STATH: variants seen among roughly 807,000 people sequenced by gnomAD.
STATH encodes the protein statherin.
Under a neutral mutation model 13.3 loss-of-function variants are expected in STATH, and 11 were observed. The observed-to-expected ratio is 0.83, with a 90% CI of 0.52 to 1.37. The LOEUF is 1.37. Ranked by LOEUF, STATH falls within the 40% of genes most tolerant of loss-of-function variation. The pLI is 0.00. For synonymous variants in STATH, 25 were observed against 23.6 expected (o/e 1.06, Z -0.17); for missense variants, 78 against 73.3 (o/e 1.06, Z -0.24).
chr4:70,002,085 C>T (rs1724684394), intron 5 of STATH, 104 bp from the exon 6 acceptor site: 1 of 151,540 alleles, frequency 6.6e-6, no homozygotes, highest in Admixed American at 6.6e-5. Flanking sequence ...ATTTTATAAA[C>T]TATAATTGTA....
At chr4:69,999,910 T>A (rs1026293001) in intron 4 of STATH, 101 bp downstream of exon 4, 8 of 1,345,982 alleles carry the variant, frequency 5.9e-6, no homozygotes, top group African/African-American at 1.4e-5. Context: ...ATATGTGTAG[T>A]AGTTGCAAAA....
At position 70,000,989 on chromosome 4, in the gene STATH, T is replaced by G; in HGVS notation, c.*33+7T>G. On this transcript the variant is annotated splice_region_variant and intron_variant, in intron 5 of 5. Coordinates refer to ENST00000246895, the MANE Select transcript of STATH (RefSeq NM_003154.3). ...GCAGGACATGATTATTGAGGTAAGATGGGTTTAGTGACATTTTTTTTACTT... is the reference window on the plus strand; with the variant it reads ...GCAGGACATGATTATTGAGGTAAGAGGGGTTTAGTGACATTTTTTTTACTT... The G allele has an allele frequency of 6.4e-7, 1 of 1,562,434 alleles. No homozygotes were observed. The highest frequency in any genetic ancestry group is 8.8e-7 in the Non-Finnish European group (1 of 1,133,576).
chr4:69,999,049 A>ACTAGTACTACTATGTACTACTATGT (rs1462533755), intron 2 of STATH: 1 of 152,472 alleles, frequency 6.6e-6, no homozygotes, highest in Non-Finnish European at 1.5e-5. Context: ...TCACTAGGTA[A>ACTAGTACTACTATGTACTACTATGT]AGCACTTGAC....
chr4:70,001,644 G>A (rs1421320737), intron 5 of STATH, among the ~76,000 whole-genome samples: 1 of 151,788 alleles, frequency 6.6e-6, no homozygotes, highest in African/African-American at 2.4e-5. Context: ...AACATTAAAT[G>A]TTCTAAATTC....
intron 2 of STATH, 84 bp downstream of exon 2, chr4:69,998,572 G>T: frequency 8.0e-7 from 1 of 1,246,868 alleles, no homozygotes; most frequent in Non-Finnish European, 1.1e-6. Flanking sequence ...GGCATATATT[G>T]GTGTTTACTT....
At chr4:69,997,582 T>G (rs1186166598) in intron 1 of STATH, among the ~76,000 whole-genome samples, 1 of 152,102 alleles carries the variant, frequency 6.6e-6, no homozygotes, top group Non-Finnish European at 1.5e-5. Flanking sequence ...TAATCTAACG[T>G]TTTTTGTTTA....
chr4:69,998,413 A>G lies in STATH; in HGVS notation c.-15-10A>G, dbSNP rs532035877. On this transcript the variant is annotated splice_polypyrimidine_tract_variant and intron_variant, in intron 1 of 5. Coordinates refer to ENST00000246895, the MANE Select transcript of STATH (RefSeq NM_003154.3). ...AAAATGTGATACTGAATTTCCACAT[A>G]TGTTTTCAGAGAACCCAGCCAACTA... 3.7e-6 allele frequency: 6 copies of G among 1,606,574 alleles called. No homozygotes were observed. In the East Asian group the frequency reaches 1.3e-4, roughly 36 times the overall value.
chr4:69,996,975 T>C (rs925112161), intron 1 of STATH, among the ~76,000 whole-genome samples: 1 of 150,970 alleles, frequency 6.6e-6, no homozygotes, highest in African/African-American at 2.4e-5. Flanking sequence ...TTCGCTCTTG[T>C]TGCCCAGGCT....
intron 1 of STATH, among the ~76,000 whole-genome samples, chr4:69,998,052 T>G (rs1439655632): frequency 1.3e-5 from 2 of 152,278 alleles, no homozygotes; most frequent in Admixed American, 6.6e-5. Context: ...TTGAACTGTT[T>G]GCACTTTCAA....
intron 5 of STATH, among the ~76,000 whole-genome samples, chr4:70,001,791 C>G (rs1401299255): frequency 3.3e-5 from 5 of 151,670 alleles, no homozygotes; most frequent in African/African-American, 1.2e-4. Context: ...CAATTCAATT[C>G]TCTATTGCCA....
chr4:69,999,902 ATGTGT>A, intron 4 of STATH, 93 bp downstream of exon 4: 1 of 1,451,928 alleles, frequency 6.9e-7, no homozygotes. Context: ...TTTCTCAAAT[ATGTGT>A]AGTAGTTGCA....
chr4:69,999,671 C>A lies in STATH; in HGVS notation c.56C>A (p.Ala19Asp). 1 of 1,610,604 alleles carries A rather than the reference C, an allele frequency of 6.2e-7. No homozygotes were observed. The highest frequency in any genetic ancestry group is 8.5e-7 in the Non-Finnish European group (1 of 1,178,542). Residue 19 changes from alanine (A) to aspartate (D), a missense_variant, in exon 3 of 6, where the codon GCT becomes GAT. Physicochemically the swap from Ala to Asp is moderately radical, Grantham distance 126. Transcript: ENST00000246895. ...ILALMVSMIG[A>D]DSSEEKFLRR... ...TCTAATTTTCTGTTTTCTAAGGGAGCTGATTCATCTGAAGAGGTGAGTCAT... is the reference window on the plus strand; with the variant it reads ...TCTAATTTTCTGTTTTCTAAGGGAGATGATTCATCTGAAGAGGTGAGTCAT...
At chr4:69,996,740 A>G (rs972463051) in intron 1 of STATH, among the ~76,000 whole-genome samples, 5 of 151,938 alleles carry the variant, frequency 3.3e-5, no homozygotes, top group Non-Finnish European at 7.4e-5. Flanking sequence ...GGTTAGTAAA[A>G]CAAAACTACT....
At chr4:69,999,713 A>G (rs773047183) in intron 3 of STATH, 26 bp downstream of exon 3, 2 of 1,611,490 alleles carry the variant, frequency 1.2e-6, no homozygotes, top group East Asian at 4.5e-5. Context: ...TCACTGGAAA[A>G]CTTGTTTTCA....
chr4:69,996,927 C>CTTTTTT (rs34282662), intron 1 of STATH, among the ~76,000 whole-genome samples: 5 of 107,580 alleles, frequency 4.6e-5, no homozygotes, highest in Admixed American at 1.1e-4. Flanking sequence ...CAGAAATTTC[C>CTTTTTT]TTTTTTTTTT....
chr4:69,996,304 T>C (rs1468138416), intron 1 of STATH, among the ~76,000 whole-genome samples: 2 of 152,180 alleles, frequency 1.3e-5, no homozygotes, highest in African/African-American at 4.8e-5. Flanking sequence ...AGCTTTTTAT[T>C]TCCTTGTCTA....
At chr4:69,997,407 A>C (rs1345764042) in intron 1 of STATH, among the ~76,000 whole-genome samples, 4 of 152,144 alleles carry the variant, frequency 2.6e-5, no homozygotes, top group African/African-American at 9.7e-5. Flanking sequence ...TTTTATCACA[A>C]GTTATTGGTA....
intron 1 of STATH, among the ~76,000 whole-genome samples, chr4:69,997,855 A>G (rs1724550469): frequency 6.6e-6 from 1 of 152,158 alleles, no homozygotes; most frequent in African/African-American, 2.4e-5. Flanking sequence ...TTTCAGTAAC[A>G]TTATAAAGCG....
At position 69,998,506 on chromosome 4, in the gene STATH, T is replaced by C. The variant is rs538134884; in HGVS notation, c.51+18T>C. 1.2e-5 allele frequency: 20 copies of C among 1,607,264 alleles called. No homozygotes were observed. The highest frequency in any genetic ancestry group is 1.4e-5 in the Non-Finnish European group (16 of 1,175,048). On this transcript the variant is annotated intron_variant, in intron 2 of 5. Coordinates refer to ENST00000246895, the MANE Select transcript of STATH (RefSeq NM_003154.3). ...CCATGATTGTAAGTATATCAGGACA[T>C]TTGAAGAATATGTTCTCAGTACCTA...
Sources: gnomAD v4.1 joint callset for allele counts (sites outside exome capture counted in the v4.1 genomes callset) on GRCh38, gnomAD v4.1.1 for gene constraint, MANE v1.5 for transcripts, NCBI Gene and HGNC (gene_info 2026-07-23, HGNC 2026-07-21) for gene names.